CDH12: variants seen among roughly 807,000 people sequenced by gnomAD.
The protein encoded by CDH12 is cadherin 12.
Under a neutral mutation model 74.1 loss-of-function variants are expected in CDH12, and 41 were observed. The observed-to-expected ratio is 0.55, with a 90% CI of 0.43 to 0.72. The LOEUF (loss-of-function observed/expected upper bound fraction) is 0.72, where lower values mean the gene tolerates loss of function less well. Among genes scored for constraint, CDH12 ranks in the 30% least tolerant of loss-of-function variants. The pLI is 0.00. For synonymous variants in CDH12, 399 were observed against 355.0 expected, an observed-to-expected ratio of 1.12 and a Z score of -1.39; for missense variants, 945 against 977.2, an observed-to-expected ratio of 0.97 and a Z score of 0.44.
intron 1 of CDH12, among the ~76,000 whole-genome samples, chr5:22,569,430 C>T (rs1358588446): frequency 1.3e-5 from 2 of 152,192 alleles, no homozygotes; most frequent in African/African-American, 4.8e-5. Flanking sequence ...TGAGCAGATG[C>T]TGATGCCATG....
chr5:21,794,777 A>G (rs1746689651), intron 10 of CDH12, among the ~76,000 whole-genome samples: 1 of 151,746 alleles, frequency 6.6e-6, no homozygotes, highest in Admixed American at 6.6e-5. Context: ...TTAGTAAAGT[A>G]ATTCATGAAG....
intron 4 of CDH12, among the ~76,000 whole-genome samples, chr5:22,206,768 T>C (rs1339118838): frequency 6.7e-6 from 1 of 148,884 alleles, no homozygotes; most frequent in Non-Finnish European, 1.5e-5. Context: ...TTTGCATATA[T>C]ACACTGGTAG....
chr5:22,563,045 G>T (rs1373943087), intron 1 of CDH12, among the ~76,000 whole-genome samples: 1 of 146,078 alleles, frequency 6.8e-6, no homozygotes, highest in African/African-American at 2.5e-5. Context: ...TTTATATATT[G>T]ATATATTTAA....
intron 1 of CDH12, chr5:22,580,467 G>GT: frequency 2.0e-6 from 1 of 505,166 alleles, no homozygotes; most frequent in Admixed American, 2.1e-5. Flanking sequence ...GACTGCATGC[G>GT]TGTCAGACAA....
In CDH12 at chr5:22,819,962, C is replaced by CAT. The variant is rs70959759; in HGVS notation, c.-523+33094_-523+33095dup. 4.1e-3 allele frequency among the ~76,000 whole-genome samples: 572 copies of CAT among 141,076 alleles called. 1 individual carries two copies. The highest frequency in any genetic ancestry group is 6.9e-3 in the Non-Finnish European group (452 of 65,184). The allele number at this position is 141,076 out of a possible 152,430, so 92.6% of individuals were successfully genotyped here. A position where few individuals can be genotyped will look rare whatever the true frequency, so the allele number is the denominator to read the frequency against. ...GTATGTATGTGTGTATATATATACA[C>CAT]ATATATATACATATACATATATATA... On this transcript the variant is annotated intron_variant, in intron 1 of 14. Coordinates refer to ENST00000382254, the MANE Select transcript of CDH12 (RefSeq NM_004061.5).
At chr5:22,038,052 T>G (rs1043307281) in intron 5 of CDH12, among the ~76,000 whole-genome samples, 2 of 152,196 alleles carry the variant, frequency 1.3e-5, no homozygotes, top group African/African-American at 4.8e-5. Flanking sequence ...AGGAAGCTTC[T>G]GGAGTCCATA....
intron 6 of CDH12, among the ~76,000 whole-genome samples, chr5:21,974,747 G>T: frequency 6.6e-6 from 1 of 152,104 alleles, no homozygotes. Context: ...GCATTTTGTG[G>T]TGTAGGGTAG....
chr5:22,376,328 G>T (rs1034514639), intron 3 of CDH12, among the ~76,000 whole-genome samples: 1 of 151,926 alleles, frequency 6.6e-6, no homozygotes, highest in African/African-American at 2.4e-5. Flanking sequence ...GATAAAGAGA[G>T]ACTGATTATT....
rs150098462 is a variant in CDH12 at position 22,693,343 on chromosome 5, G to A, written c.-523+159715C>T. The stretch of plus-strand genomic sequence containing the variant: ...ATTGAGCAAAAAAAGAAGCCTCACT[G>A]CCTTGGCAGCTTGTGAGAGTGTGTG... On this transcript the variant is annotated intron_variant, in intron 1 of 14. Coordinates refer to ENST00000382254, the MANE Select transcript of CDH12 (RefSeq NM_004061.5). Among the ~76,000 whole-genome samples, 226 of 152,268 alleles carry A rather than the reference G, an allele frequency of 1.5e-3. 1 individual carries two copies. The highest frequency in any genetic ancestry group is 5.3e-3 in the African/African-American group (220 of 41,546).
intron 14 of CDH12, among the ~76,000 whole-genome samples, chr5:21,754,583 C>CTG (rs1744278157): frequency 6.6e-6 from 1 of 152,154 alleles, no homozygotes; most frequent in Non-Finnish European, 1.5e-5. Flanking sequence ...CCTTCTACGT[C>CTG]AGCATGAACT....
chr5:22,581,112 A>G (rs932444434), intron 1 of CDH12, among the ~76,000 whole-genome samples: 1 of 152,232 alleles, frequency 6.6e-6, no homozygotes, highest in Admixed American at 6.5e-5. Context: ...TGCATATGTC[A>G]CAAGGAGTCA....
intron 3 of CDH12, among the ~76,000 whole-genome samples, chr5:22,314,624 G>A (rs1738534837): frequency 6.6e-6 from 1 of 152,144 alleles, no homozygotes; most frequent in South Asian, 2.1e-4. Flanking sequence ...GGTTTTAGAT[G>A]GTATGCCACG....
At chr5:22,788,441 G>A (rs938304498) in intron 1 of CDH12, among the ~76,000 whole-genome samples, 1 of 150,924 alleles carries the variant, frequency 6.6e-6, no homozygotes, top group Non-Finnish European at 1.5e-5. Context: ...AGGTGAAATC[G>A]AAGAAAAAAG....
chr5:22,294,009 G>A (rs1262041130), intron 3 of CDH12, among the ~76,000 whole-genome samples: 3 of 152,064 alleles, frequency 2.0e-5, no homozygotes, highest in Non-Finnish European at 4.4e-5. Flanking sequence ...GTGAGGTAAT[G>A]CATATGTTAA....
Position 21,953,521 on chromosome 5 carries a change from A to G in CDH12, c.526+21570T>C, listed in dbSNP as rs531741912. 3.9e-5 allele frequency among the ~76,000 whole-genome samples: 6 copies of G among 152,280 alleles called. No individual in the cohort carries two copies. The South Asian group carries it at 1.0e-3, about 26-fold the overall frequency. On this transcript the variant is annotated intron_variant, in intron 6 of 14. Transcript: ENST00000382254. ...ATTTTTCTGTGTATTTCTACCTCTG[A>G]GAAGAGGAGTAATTTATACTCTTTA...
At chr5:21,841,359 C>G (rs1348673487) in intron 8 of CDH12, among the ~76,000 whole-genome samples, 2 of 151,964 alleles carry the variant, frequency 1.3e-5, no homozygotes, top group Non-Finnish European at 2.9e-5. Flanking sequence ...CAGGAAACAA[C>G]AGGTGCTGGA....
intron 9 of CDH12, among the ~76,000 whole-genome samples, chr5:21,811,494 C>A (rs1747740919): frequency 6.6e-6 from 1 of 151,590 alleles, no homozygotes; most frequent in South Asian, 2.1e-4. Flanking sequence ...ATATTTTATT[C>A]CCATTTATTC....
rs375793534 is a variant in CDH12, at chr5:22,065,101, AT to A, written c.231+13344del. 3.8e-3 allele frequency among the ~76,000 whole-genome samples: 573 copies of A among 152,190 alleles called. 8 individuals are homozygous for A. Among genetic ancestry groups the A allele is most frequent in the African/African-American group, 0.013 (539 of 41,534 alleles). On this transcript the variant is annotated intron_variant, in intron 5 of 14. Transcript: ENST00000382254. ...CCCTGCATTGCCCAGGGAAACTATA[AT>A]GGCCTCGCCTGATGCTGTTACCTTG...
chr5:22,439,291 A>G (rs541374746), intron 2 of CDH12, among the ~76,000 whole-genome samples: 5 of 152,174 alleles, frequency 3.3e-5, no homozygotes, highest in African/African-American at 1.2e-4. Context: ...AAAAAAAAGA[A>G]CACTTTGCTC....
Sources: allele counts gnomAD v4.1 joint callset (sites outside exome capture counted in the v4.1 genomes callset), GRCh38; gene constraint gnomAD v4.1.1; transcripts MANE v1.5; gene names NCBI Gene and HGNC (gene_info 2026-07-23, HGNC 2026-07-21).